The following EAPP variants were observed in gnomAD, a reference collection of about 807,000 sequenced individuals.
The protein encoded by EAPP is E2F-associated phosphoprotein.
Under a neutral mutation model 34.3 loss-of-function variants are expected in EAPP, and 38 were observed. The observed-to-expected ratio is 1.11, with a 90% CI of 0.85 to 1.45. EAPP has a LOEUF of 1.45. Ranked by LOEUF, EAPP falls within the 40% of genes most tolerant of loss-of-function variation. EAPP has a pLI of 0.00. For synonymous variants in EAPP, 113 were observed against 117.6 expected (o/e 0.96, Z 0.25); for missense variants, 338 against 343.7 (o/e 0.98, Z 0.13).
intron 1 of EAPP, among the ~76,000 whole-genome samples, chr14:34,537,442 C>T (rs1047342135): frequency 1.1e-4 from 16 of 152,184 alleles, no homozygotes; most frequent in African/African-American, 3.6e-4. Context: ...ATTATCTCAA[C>T]CAAAGTCTCA....
At chr14:34,538,482 G>A (rs1332116085) in intron 1 of EAPP, among the ~76,000 whole-genome samples, 4 of 152,044 alleles carry the variant, frequency 2.6e-5, no homozygotes, top group African/African-American at 9.7e-5. Context: ...AGGGAATCCT[G>A]GTATCTATCC....
chr14:34,537,309 C>T (rs186461426), intron 1 of EAPP, among the ~76,000 whole-genome samples: 347 of 152,266 alleles, frequency 2.3e-3, no homozygotes, highest in African/African-American at 6.3e-3. Context: ...CTGCACCAGA[C>T]CTGTATTATT....
chr14:34,522,130 T>C (rs1474556433), intron 5 of EAPP, among the ~76,000 whole-genome samples: 4 of 152,100 alleles, frequency 2.6e-5, no homozygotes, highest in East Asian at 1.9e-4. Flanking sequence ...ACTAAGTTTT[T>C]TTCGTTTTCT....
At position 34,521,563 on chromosome 14, in the gene EAPP, T is replaced by C. The variant is rs1184071998; in HGVS notation, c.581+3134A>G. On this transcript the variant is annotated intron_variant, in intron 5 of 5. Coordinates refer to ENST00000250454, the MANE Select transcript of EAPP (RefSeq NM_018453.4). ...GCTCACTGATTCTTTCTTTTGCTGATCCCTTCTGCTGTTGAGAGCCTCTAA... is the reference window on the plus strand; with the variant it reads ...GCTCACTGATTCTTTCTTTTGCTGACCCCTTCTGCTGTTGAGAGCCTCTAA... Among the ~76,000 whole-genome samples, 4 of 151,972 alleles carry C rather than the reference T, an allele frequency of 2.6e-5. No individual in the cohort carries two copies. In the Admixed American group the frequency reaches 2.6e-4, roughly 10 times the overall value.
intron 4 of EAPP, among the ~76,000 whole-genome samples, chr14:34,525,767 C>G (rs1321251911): frequency 1.3e-5 from 2 of 152,232 alleles, no homozygotes; most frequent in East Asian, 3.9e-4. Context: ...CGCCTGTAAT[C>G]CCAGCACTTT....
chr14:34,522,425 T>C (rs1879948412), intron 5 of EAPP, among the ~76,000 whole-genome samples: 1 of 152,160 alleles, frequency 6.6e-6, no homozygotes, highest in Admixed American at 6.6e-5. Context: ...AAGGGTTCAC[T>C]TGATTCCTTG....
intron 3 of EAPP, among the ~76,000 whole-genome samples, chr14:34,530,456 G>C (rs545723277): frequency 6.6e-6 from 1 of 152,264 alleles, no homozygotes; most frequent in Non-Finnish European, 1.5e-5. Flanking sequence ...GAGCCTAGGA[G>C]TCTGAGGATG....
At chr14:34,519,086 A>G (rs893954536) in intron 5 of EAPP, among the ~76,000 whole-genome samples, 1 of 152,078 alleles carries the variant, frequency 6.6e-6, no homozygotes, top group Middle Eastern at 3.2e-3. Context: ...AGGTGACTAG[A>G]TCTTGGGGGC....
At chr14:34,529,091 G>A (rs779764946) in intron 4 of EAPP, among the ~76,000 whole-genome samples, 49 of 152,070 alleles carry the variant, frequency 3.2e-4, no homozygotes, top group South Asian at 1.7e-3. Context: ...AGCCAAGATC[G>A]CGCCACTGCA....
chr14:34,526,580 T>A (rs187254622), intron 4 of EAPP, among the ~76,000 whole-genome samples: 20 of 136,354 alleles, frequency 1.5e-4, no homozygotes, highest in South Asian at 2.3e-4. Flanking sequence ...AAAAAAAAAA[T>A]GAAAATAAAA....
At chr14:34,536,043 T>A (rs1203320135) in intron 2 of EAPP, 51 bp downstream of exon 2, 3 of 1,377,662 alleles carry the variant, frequency 2.2e-6, no homozygotes, top group Non-Finnish European at 3.0e-6. Flanking sequence ...ATAAGGTTCC[T>A]GCCCTTACAG....
In EAPP at chr14:34,528,535, C is replaced by T. The variant is rs1347212130; in HGVS notation, c.470+823G>A. The stretch of plus-strand genomic sequence containing the variant: ...CTCCCAGGTTTGGGCAATTCTCCCG[C>T]CTCAGCCTCCTGAGTAGCTGGAATT... On this transcript the variant is annotated intron_variant, in intron 4 of 5. Transcript: ENST00000250454. Among the ~76,000 whole-genome samples, 3 of 150,712 alleles carry T rather than the reference C, an allele frequency of 2.0e-5. No homozygotes were observed. The Admixed American group carries it at 2.0e-4, about 10-fold the overall frequency.
In EAPP at chr14:34,536,079, G is replaced by A; in HGVS notation, c.256+15C>T. On this transcript the variant is annotated intron_variant, in intron 2 of 5. Transcript: ENST00000250454. ...AGCTTACAAAAATATATATAAAATT[G>A]AACCAAAAGTTTACCAGTTCCCAGA... The A allele has an allele frequency of 1.3e-6, 2 of 1,596,104 alleles. No individual in the cohort carries two copies. Among genetic ancestry groups the A allele is most frequent in the Non-Finnish European group, 1.7e-6 (2 of 1,172,674 alleles).
At chr14:34,524,942 C>A in intron 4 of EAPP, 135 bp from the exon 5 acceptor site, 1 of 638,118 alleles carries the variant, frequency 1.6e-6, no homozygotes, top group South Asian at 2.1e-5. Context: ...ACAAGATGAA[C>A]CTGGAGCATC....
rs1594672640 is a variant in EAPP at position 34,536,893 on chromosome 14, A to G, written c.75-618T>C. On this transcript the variant is annotated intron_variant, in intron 1 of 5. Transcript: ENST00000250454. Reference sequence around the variant, plus strand: ...CGTCTCAAAAAATACATAGATAGATATATAGATAGATAGATATCCTGGTTG... The same window carrying G: ...CGTCTCAAAAAATACATAGATAGATGTATAGATAGATAGATATCCTGGTTG... Among the ~76,000 whole-genome samples the G allele has an allele frequency of 4.0e-5, 6 of 151,868 alleles. No homozygotes were observed. The South Asian group carries it at 8.3e-4, about 21-fold the overall frequency.
At chr14:34,521,399 C>T (rs752966405) in intron 5 of EAPP, among the ~76,000 whole-genome samples, 6 of 152,054 alleles carry the variant, frequency 3.9e-5, no homozygotes, top group Non-Finnish European at 5.9e-5. Context: ...AATAAGCTTT[C>T]TACTCCTTGC....
intron 1 of EAPP, among the ~76,000 whole-genome samples, chr14:34,538,941 C>T (rs1284810316): frequency 4.6e-5 from 7 of 152,170 alleles, no homozygotes; most frequent in Admixed American, 6.6e-5. Flanking sequence ...CTCTACAATG[C>T]TCTGCCAAGA....
At chr14:34,531,357 T>TGGGATTACA (rs1566449611) in intron 3 of EAPP, among the ~76,000 whole-genome samples, 2 of 151,224 alleles carry the variant, frequency 1.3e-5, no homozygotes, top group East Asian at 3.9e-4. Context: ...AATCCCAGCA[T>TGGGATTACA]TTTGGAAGCC....
At chr14:34,523,821 G>C (rs1880004014) in intron 5 of EAPP, among the ~76,000 whole-genome samples, 1 of 152,106 alleles carries the variant, frequency 6.6e-6, no homozygotes, top group African/African-American at 2.4e-5. Context: ...TTACAGGCAT[G>C]AGTCACTGTG....
Sources: allele counts gnomAD v4.1 joint callset (sites outside exome capture counted in the v4.1 genomes callset), GRCh38; gene constraint gnomAD v4.1.1; transcripts MANE v1.5; gene names NCBI Gene and HGNC (gene_info 2026-07-23, HGNC 2026-07-21).